Variants in SLC7A10 observed in about 807,000 individuals in gnomAD.
SLC7A10 encodes the protein asc-type amino acid transporter 1.
In SLC7A10, 30 loss-of-function variants were observed where a neutral mutation model predicts 52.7. The ratio of observed to expected loss-of-function variants is 0.57; its 90% CI spans 0.43 to 0.77. The LOEUF (loss-of-function observed/expected upper bound fraction) is 0.77. Among genes scored for constraint, SLC7A10 ranks in the 30% least tolerant of loss-of-function variants. The pLI, the probability that SLC7A10 is intolerant of heterozygous loss-of-function variation, is 0.00. For missense variants in SLC7A10, 581 were observed against 698.5 expected (o/e 0.83, Z 1.90); for synonymous variants, 318 against 314.9 (o/e 1.01, Z -0.10).
Position 33,209,321 on chromosome 19 carries a change from C to T in SLC7A10, c.1428G>A (p.Val476=), listed in dbSNP as rs1974484846. ...GVFWRSKPKC[V]HRLTESMTHW... ...TGCCCGGCTCACCTGTGAGTCTGTG[C>T]ACACACTTTGGTTTGCTTCTCCAGA... The change falls in exon 10 of 11, where the codon GTG becomes GTA. Residue 476 remains valine (V), a synonymous_variant. Transcript: ENST00000253188. 4 of 1,614,006 alleles carry T rather than the reference C, an allele frequency of 2.5e-6. No homozygotes were observed. The highest frequency in any genetic ancestry group is 1.7e-5 in the Admixed American group (1 of 60,022).
At position 33,218,688 on chromosome 19, in the gene SLC7A10, T is replaced by TCTTTCTTTCTTTCTTTCTTTC; in HGVS notation, c.152-2716_152-2715insGAAAGAAAGAAAGAAAGAAAG. Among the ~76,000 whole-genome samples, 289 of 37,988 alleles carry TCTTTCTTTCTTTCTTTCTTTC rather than the reference T, an allele frequency of 7.6e-3. 12 individuals carry two copies. The highest frequency in any genetic ancestry group is 0.018 in the African/African-American group (269 of 15,222). The allele number at this position is 37,988 out of a possible 152,430, so 24.9% of individuals were successfully genotyped here. A position where few individuals can be genotyped will look rare whatever the true frequency, so the allele number is the denominator to read the frequency against. Reference sequence around the variant, plus strand: ...TTCTTTCTTTCTTTCTTTCTTTTTTTTTTTTTTTTAGTAGAGATGGGGTTT... The same window carrying TCTTTCTTTCTTTCTTTCTTTC: ...TTCTTTCTTTCTTTCTTTCTTTTTTTCTTTCTTTCTTTCTTTCTTTCTTTTTTTTTAGTAGAGATGGGGTTT... On this transcript the variant is annotated intron_variant, in intron 1 of 10. Transcript: ENST00000253188.
At chr19:33,211,940 T>C in intron 5 of SLC7A10, 1 of 479,650 alleles carries the variant, frequency 2.1e-6, no homozygotes, top group Non-Finnish European at 3.8e-6. Flanking sequence ...TCGAGATCCC[T>C]GGCCGAGCAT....
intron 7 of SLC7A10, 136 bp downstream of exon 7, chr19:33,211,089 C>T (rs769072208): frequency 8.4e-5 from 83 of 990,474 alleles, no homozygotes; most frequent in Middle Eastern, 2.0e-4. Context: ...CACTTGTTAC[C>T]GTGTGGGATC....
At chr19:33,217,253 C>G (rs1037865682) in intron 1 of SLC7A10, among the ~76,000 whole-genome samples, 9 of 151,982 alleles carry the variant, frequency 5.9e-5, no homozygotes, top group Non-Finnish European at 7.4e-5. Context: ...GCTCAATTGA[C>G]CACCCACTTC....
chr19:33,210,546 T>C lies in SLC7A10; in HGVS notation c.1184A>G (p.Asn395Ser), dbSNP rs1212967823. 3 of 1,612,126 alleles carry C rather than the reference T, an allele frequency of 1.9e-6. No individual in the cohort carries two copies. Among genetic ancestry groups the C allele is most frequent in the Non-Finnish European group, 2.5e-6 (3 of 1,179,946 alleles). Reference sequence around the variant, plus strand: ...GATGGTGACGCCGTAGCAGAGGTAGTTGATGAAGGACACATAGTTGATGAG... The same window carrying C: ...GATGGTGACGCCGTAGCAGAGGTAGCTGATGAAGGACACATAGTTGATGAG... Reference protein sequence around the residue: ...YTLINYVSFINYLCYGVTILG... With the variant: ...YTLINYVSFISYLCYGVTILG... The change falls in exon 9 of 11, where the codon AAC becomes AGC. Residue 395 changes from asparagine (N) to serine (S), a missense_variant. Physicochemically the swap from Asn to Ser is conservative, Grantham distance 46. Transcript: ENST00000253188. This position sits in a 1 kb window ranked among gnomAD's most constrained non-coding sequence, Gnocchi z 5.6.
chr19:33,222,459 TAAAATAAATA>T (rs139314491), intron 1 of SLC7A10, among the ~76,000 whole-genome samples: 27,880 of 141,356 alleles, frequency 0.2, 2,780 homozygotes, highest in Middle Eastern at 0.23. Context: ...TAAAATAAAA[TAAAATAAATA>T]AAATAAAATA....
chr19:33,210,843 G>A lies in SLC7A10; in HGVS notation c.1072C>T (p.His358Tyr), dbSNP rs764431182. 1.9e-6 allele frequency: 3 copies of A among 1,613,470 alleles called. No homozygotes were observed. In the African/African-American group the frequency reaches 4.0e-5, roughly 22 times the overall value. Reference sequence around the variant, plus strand: ...GGGATGGGGGTGCAGTGTCTGACGTGGATCATGGCCAGCAGGCTGGGCAGG... The same window carrying A: ...GGGATGGGGGTGCAGTGTCTGACGTAGATCATGGCCAGCAGGCTGGGCAGG... ...GHLPSLLAMI[H>Y]VRHCTPIPAL... Residue 358 changes from histidine to tyrosine, a missense_variant, in exon 8 of 11, where the codon CAC becomes TAC. His to Tyr is a moderately conservative substitution (Grantham distance 83, BLOSUM62 2). Transcript: ENST00000253188. This position sits in a 1 kb window ranked among gnomAD's most constrained non-coding sequence, Gnocchi z 5.6.
Position 33,215,617 on chromosome 19 carries a change from CT to C in SLC7A10, c.356+151del. The C allele has an allele frequency of 2.3e-4, 132 of 585,434 alleles. 1 individual carries two copies. The highest frequency in any genetic ancestry group is 1.0e-3 in the South Asian group (36 of 34,288). The allele number at this position is 585,434 out of a possible 1,614,324, so 36.3% of individuals were successfully genotyped here. On this transcript the variant is annotated intron_variant, in intron 2 of 10. Transcript: ENST00000253188. ...CCTTCTCTCCATCCAGCCCCCACAC[CT>C]TCTCTCCATCCACCCCCCACACCTT...
Position 33,225,726 on chromosome 19 carries a change from G to A in SLC7A10, c.-23C>T, listed in dbSNP as rs1974911515. 2 of 1,493,870 alleles carry A rather than the reference G, an allele frequency of 1.3e-6. No homozygotes were observed. The highest frequency in any genetic ancestry group is 8.8e-7 in the Non-Finnish European group (1 of 1,130,022). 92.5% of individuals were successfully genotyped at this position (1,493,870 alleles called of 1,614,324 possible). On this transcript the variant is annotated 5_prime_UTR_variant, in exon 1 of 11. Coordinates refer to ENST00000253188, the MANE Select transcript of SLC7A10 (RefSeq NM_019849.3). ...CATGTCGCTGTCCCGCCGCGTCCCC[G>A]CTCCCTGCGCTGCCCCGTCTGTCCG...
In SLC7A10 at chr19:33,225,541, G is replaced by C; in HGVS notation, c.151+12C>G. Reference sequence around the variant, plus strand: ...CCTCCGCCCGGCGCCCGCCCGCCTGGGTCCCGCTCACCGATGATGATGGTG... The same window carrying C: ...CCTCCGCCCGGCGCCCGCCCGCCTGCGTCCCGCTCACCGATGATGATGGTG... On this transcript the variant is annotated intron_variant, in intron 1 of 10. Transcript: ENST00000253188. 6.3e-7 allele frequency: 1 copy of C among 1,596,030 alleles called. No homozygotes were observed. Among genetic ancestry groups the C allele is most frequent in the Non-Finnish European group, 8.5e-7 (1 of 1,179,106 alleles).
chr19:33,215,466 C>A (rs1342156880), intron 2 of SLC7A10, among the ~76,000 whole-genome samples: 1 of 151,988 alleles, frequency 6.6e-6, no homozygotes, highest in Non-Finnish European at 1.5e-5. Context: ...TTCAGAGGGA[C>A]CTCTATTTAA....
At chr19:33,212,779 C>T in intron 3 of SLC7A10, 72 bp downstream of exon 3, 3 of 1,606,380 alleles carry the variant, frequency 1.9e-6, no homozygotes, top group Non-Finnish European at 2.6e-6. Flanking sequence ...CCCCTCTGTC[C>T]TCCTGCTCAG....
Position 33,215,893 on chromosome 19 carries a change from CGAACAGG to C in SLC7A10, c.225_231del (p.Leu76SerfsTer8), listed in dbSNP as rs1568392027. On this transcript the variant is annotated frameshift_variant, in exon 2 of 11. Coordinates refer to ENST00000253188, the MANE Select transcript of SLC7A10 (RefSeq NM_019849.3). LOFTEE classifies it high-confidence loss of function. The stretch of plus-strand genomic sequence containing the variant: ...GTCACGCCCCCACCCAGGACCCAGA[CGAACAGG>C]GCCAGACCCACGGAGCCTGAGTGCT... 2 of 1,611,066 alleles carry C rather than the reference CGAACAGG, an allele frequency of 1.2e-6. No individual in the cohort carries two copies. Among genetic ancestry groups the C allele is most frequent in the South Asian group, 2.2e-5 (2 of 90,274 alleles).
At position 33,213,002 on chromosome 19, in the gene SLC7A10, G is replaced by T. The variant is rs2145476840; in HGVS notation, c.357C>A (p.Gly119=). Residue 119 remains glycine, a splice_region_variant and synonymous_variant, in exon 3 of 11, where the codon GGC becomes GGA. Coordinates refer to ENST00000253188, the MANE Select transcript of SLC7A10 (RefSeq NM_019849.3). The stretch of plus-strand genomic sequence containing the variant: ...GGACGGCGCTCCAGAGCAGCAGAAA[G>T]CTGGAAGGAGCAGGGGCGGGAGTGG... ...YVTEIFGGLA[G]FLLLWSAVLI... 6.2e-7 allele frequency: 1 copy of T among 1,600,976 alleles called. No homozygotes were observed. The highest frequency in any genetic ancestry group is 1.3e-5 in the African/African-American group (1 of 74,872).
At chr19:33,212,735 T>G in intron 3 of SLC7A10, 96 bp from the exon 4 acceptor site, 2 of 1,607,814 alleles carry the variant, frequency 1.2e-6, no homozygotes, top group Non-Finnish European at 1.7e-6. Context: ...TGGCATCCCC[T>G]ATAGCAGCTG....
intron 1 of SLC7A10, among the ~76,000 whole-genome samples, chr19:33,216,269 T>C (rs536974548): frequency 6.6e-6 from 1 of 152,290 alleles, no homozygotes; most frequent in African/African-American, 2.4e-5. Context: ...CAGCCCTCCA[T>C]TGCCCCCGTG....
intron 7 of SLC7A10, 108 bp downstream of exon 7, chr19:33,211,117 C>A: frequency 8.8e-7 from 1 of 1,142,720 alleles, no homozygotes; most frequent in South Asian, 1.3e-5. Context: ...CAGCTTCAGG[C>A]AGACCCCTCC....
In SLC7A10 at chr19:33,210,609, GC is replaced by G; in HGVS notation, c.1120del (p.Ala374ProfsTer49). On this transcript the variant is annotated frameshift_variant, in exon 9 of 11. Transcript: ENST00000253188. LOFTEE classifies it high-confidence loss of function. The surrounding 1 kb of genome is among the most constrained non-coding windows in gnomAD (Gnocchi z 5.6). Reference protein sequence around the residue: ...PIPALLVCCGATAVIMLVGDT... With the variant: ...PIPALLVCCGXTAVIMLVGDT... ...GCCCACGAGCATGATGACGGCTGTG[GC>G]CCCGCACTGGGAGAGGACCTGGGGC... The G allele has an allele frequency of 6.2e-7, 1 of 1,611,462 alleles. No homozygotes were observed. The highest frequency in any genetic ancestry group is 8.5e-7 in the Non-Finnish European group (1 of 1,179,940).
chr19:33,224,056 G>A (rs960779995), intron 1 of SLC7A10, among the ~76,000 whole-genome samples: 1 of 152,040 alleles, frequency 6.6e-6, no homozygotes, highest in Non-Finnish European at 1.5e-5. Flanking sequence ...TGGGATGTGG[G>A]GAGGGGATAG....
Sources: gnomAD v4.1 joint callset for allele counts (sites outside exome capture counted in the v4.1 genomes callset) on GRCh38, gnomAD v4.1.1 for gene constraint, Gnocchi (gnomAD v3.1) non-coding constraint, MANE v1.5 for transcripts, NCBI Gene and HGNC (gene_info 2026-07-23, HGNC 2026-07-21) for gene names.